Variants in ZNF69 observed in about 807,000 individuals in gnomAD.
ZNF69 encodes zinc finger protein 69, also known as ZNF3.
A neutral mutation model predicts 50.9 loss-of-function variants in ZNF69; 47 were observed. The observed-to-expected ratio is 0.92, with a 90% CI of 0.73 to 1.18. The LOEUF (loss-of-function observed/expected upper bound fraction) is 1.18. Among genes scored for constraint, ZNF69 ranks in the 50% most tolerant of loss-of-function variants. ZNF69 has a pLI of 0.00. For synonymous variants in ZNF69, 216 were observed against 223.1 expected (o/e 0.97, Z 0.29); for missense variants, 717 against 675.1 (o/e 1.06, Z -0.69).
At chr19:11,921,184 T>C in the ZNF69 span, among the ~76,000 whole-genome samples, 4 of 152,178 alleles carry the variant, frequency 2.6e-5, no homozygotes, top group African/African-American at 9.6e-5. Context: ...CCTTTTTTTT[T>C]TCTTTAAGAA....
chr19:11,941,391 G>A, the ZNF69 span, among the ~76,000 whole-genome samples: 1 of 152,236 alleles, frequency 6.6e-6, no homozygotes, highest in African/African-American at 2.4e-5. Flanking sequence ...AGCCCATGGA[G>A]GAGGTGGGAG....
At chr19:11,901,371 C>G (rs1463311802) in intron 1 of ZNF69, among the ~76,000 whole-genome samples, 1 of 152,158 alleles carries the variant, frequency 6.6e-6, no homozygotes, top group Non-Finnish European at 1.5e-5. Flanking sequence ...TTGGCCATGA[C>G]CTTAAGCAGT....
chr19:11,904,614 C>G (rs769611143), intron 3 of ZNF69, 35 bp from the exon 4 acceptor site: 17 of 1,591,726 alleles, frequency 1.1e-5, no homozygotes, highest in African/African-American at 1.4e-5. Context: ...TACTTATAAA[C>G]AAACCCTTTG....
the ZNF69 span, among the ~76,000 whole-genome samples, chr19:11,920,608 C>A: frequency 6.7e-6 from 1 of 149,602 alleles, no homozygotes; most frequent in Non-Finnish European, 1.5e-5. Flanking sequence ...TAGTGGGAGG[C>A]TGGGCGCGGT....
chr19:11,897,804 G>A lies in ZNF69; in HGVS notation c.64-5769G>A, dbSNP rs191356478. On this transcript the variant is annotated intron_variant, in intron 1 of 3. Transcript: ENST00000429654. ...GGAGAATGGCATGAACCCGGGAGGC[G>A]GAGGTTGCAGTGAGCCAAGATGGCG... is the stretch of plus-strand genomic sequence containing the variant. Among the ~76,000 whole-genome samples the A allele has an allele frequency of 3.7e-4, 55 of 150,358 alleles. 1 individual carries two copies. The East Asian group carries it at 7.7e-3, about 21-fold the overall frequency.
downstream of ZNF69, among the ~76,000 whole-genome samples, chr19:11,915,228 G>A (rs1972511455): frequency 6.6e-6 from 1 of 152,074 alleles, no homozygotes; most frequent in South Asian, 2.1e-4. Flanking sequence ...GAAAGAGTTG[G>A]ATGCACCTGA....
rs1972487863 is a variant in ZNF69 at position 11,913,455 on chromosome 19, C to T, written c.*45C>T. ...CCAGGCTGGAGTGCAGTGGCATGAT[C>T]TCAGGTCGCTGCAACCTCTGCCTCC... On this transcript the variant is annotated 3_prime_UTR_variant, in exon 5 of 5. Transcript: ENST00000340180. 3 of 506,362 alleles carry T rather than the reference C, an allele frequency of 5.9e-6. No individual in the cohort carries two copies. In the East Asian group the frequency reaches 1.0e-4, roughly 17 times the overall value. 31.4% of individuals were successfully genotyped at this position (506,362 alleles called of 1,614,324 possible).
downstream of ZNF69, among the ~76,000 whole-genome samples, chr19:11,918,269 G>A (rs992897567): frequency 3.3e-5 from 5 of 152,132 alleles, no homozygotes; most frequent in South Asian, 2.1e-4. Flanking sequence ...TTTCATGCAC[G>A]TGCCTTTATT....
At chr19:11,952,754 G>A in the ZNF69 span, among the ~76,000 whole-genome samples, 1 of 152,172 alleles carries the variant, frequency 6.6e-6, no homozygotes, top group African/African-American at 2.4e-5. Flanking sequence ...GTGACTCACA[G>A]CAGGGAAGAC....
At chr19:11,940,024 C>T in the ZNF69 span, 1 of 150,536 alleles carries the variant, frequency 6.6e-6, no homozygotes, top group African/African-American at 2.5e-5. Context: ...CTCTGCCTTT[C>T]AGGTTCAAGC....
chr19:11,961,988 A>G, the ZNF69 span, among the ~76,000 whole-genome samples: 1 of 152,200 alleles, frequency 6.6e-6, no homozygotes, highest in Admixed American at 6.5e-5. Flanking sequence ...TTAAATAAAA[A>G]TAAATAGAAA....
the ZNF69 span, among the ~76,000 whole-genome samples, chr19:11,969,265 C>G: frequency 6.6e-6 from 1 of 152,106 alleles, no homozygotes; most frequent in African/African-American, 2.4e-5. Flanking sequence ...CCACCACACT[C>G]GGCTAATTTT....
Position 11,905,782 on chromosome 19 carries a change from A to C in ZNF69, c.1385A>C (p.His462Pro). 6.2e-7 allele frequency: 1 copy of C among 1,613,606 alleles called. No homozygotes were observed. Among genetic ancestry groups the C allele is most frequent in the Non-Finnish European group, 8.5e-7 (1 of 1,179,952 alleles). ...AFRSMKNLQS[H>P]ERTQTHVRIH... Reference sequence around the variant, plus strand: ...AGATCTATGAAGAACCTTCAAAGTCATGAAAGGACACAAACACACGTAAGA... The same window carrying C: ...AGATCTATGAAGAACCTTCAAAGTCCTGAAAGGACACAAACACACGTAAGA... The change falls in exon 4 of 4, where the codon CAT (histidine) becomes CCT (proline). Residue 462 changes from histidine to proline, a missense_variant. Physicochemically the swap from His to Pro is moderately conservative, Grantham distance 77. Coordinates refer to ENST00000429654, the MANE Select transcript of ZNF69 (RefSeq NM_001364730.1).
At chr19:11,947,430 G>T in the ZNF69 span, 21 of 1,598,968 alleles carry the variant, frequency 1.3e-5, no homozygotes, top group Non-Finnish European at 1.8e-5. Flanking sequence ...AGGCATGGCT[G>T]CAGTAAATCA....
At chr19:11,938,043 T>C in the ZNF69 span, among the ~76,000 whole-genome samples, 3 of 152,000 alleles carry the variant, frequency 2.0e-5, no homozygotes, top group Non-Finnish European at 4.4e-5. Flanking sequence ...TCAGATACCT[T>C]TTCTGCCTCT....
chr19:11,977,287 G>A, the ZNF69 span: 1 of 1,603,892 alleles, frequency 6.2e-7, no homozygotes, highest in African/African-American at 1.3e-5. Flanking sequence ...AGGCATGGCT[G>A]CAGTAAATCA....
At chr19:11,892,639 A>C (rs576227283) in intron 1 of ZNF69, among the ~76,000 whole-genome samples, 1 of 152,176 alleles carries the variant, frequency 6.6e-6, no homozygotes, top group South Asian at 2.1e-4. Flanking sequence ...GTGAAGAGGG[A>C]AAGGGTCTTT....
chr19:11,956,729 G>T, the ZNF69 span: 1 of 388,164 alleles, frequency 2.6e-6, no homozygotes, highest in Non-Finnish European at 4.5e-6. Flanking sequence ...AGGGGCTCAA[G>T]CCTGTAATCT....
At chr19:11,957,082 A>G in the ZNF69 span, among the ~76,000 whole-genome samples, 121 of 151,472 alleles carry the variant, frequency 8.0e-4, no homozygotes, top group African/African-American at 2.8e-3. Context: ...AGGTTTCAGT[A>G]AGAAATAAGT....
Sources: allele counts gnomAD v4.1 joint callset (sites outside exome capture counted in the v4.1 genomes callset), GRCh38; gene constraint gnomAD v4.1.1; transcripts MANE v1.5; gene names NCBI Gene and HGNC (gene_info 2026-07-23, HGNC 2026-07-21).